XXYLT1: variants seen among roughly 807,000 people sequenced by gnomAD.
XXYLT1 encodes the protein xyloside xylosyltransferase 1, also known as UDP-xylose:alpha-xyloside alpha-1,3-xylosyltransferase.
In XXYLT1, 20 loss-of-function variants were observed where a neutral mutation model predicts 28.9. The observed-to-expected ratio is 0.69, with a 90% confidence interval of 0.49 to 1.00. XXYLT1 has a LOEUF of 1.00. Among genes scored for constraint, XXYLT1 ranks in the 50% least tolerant of loss-of-function variants. XXYLT1 has a pLI of 0.00. For synonymous variants in XXYLT1, 257 were observed against 253.8 expected (o/e 1.01, Z -0.12); for missense variants, 542 against 560.1 (o/e 0.97, Z 0.33).
Position 195,129,497 on chromosome 3 carries a change from G to C in XXYLT1, c.785+26952C>G, listed in dbSNP as rs1035521696. 6.6e-6 allele frequency among the ~76,000 whole-genome samples: 1 copy of C among 152,178 alleles called. No homozygotes were observed. The highest frequency in any genetic ancestry group is 2.4e-5 in the African/African-American group (1 of 41,434). ...ATGGACGCATATAGTGCGGTCTTCTGTGACGGGCTTCTTTCACTCGTCTTA... is the reference window on the plus strand; with the variant it reads ...ATGGACGCATATAGTGCGGTCTTCTCTGACGGGCTTCTTTCACTCGTCTTA... On this transcript the variant is annotated intron_variant, in intron 3 of 3. Transcript: ENST00000310380. This position sits in a 1 kb window ranked among gnomAD's most constrained non-coding sequence, Gnocchi z 4.4.
intron 3 of XXYLT1, among the ~76,000 whole-genome samples, chr3:195,136,247 A>C (rs1719191631): frequency 6.6e-6 from 1 of 152,210 alleles, no homozygotes; most frequent in South Asian, 2.1e-4. Context: ...CTCAAACGCC[A>C]ACGTAGGACC....
At chr3:195,103,529 T>C (rs993177051) in intron 3 of XXYLT1, among the ~76,000 whole-genome samples, 1 of 152,200 alleles carries the variant, frequency 6.6e-6, no homozygotes, top group African/African-American at 2.4e-5. Context: ...AAAGAATCAG[T>C]GTAGGTAAAA....
In XXYLT1 at chr3:195,124,088, A is replaced by C. The variant is rs76731802; in HGVS notation, c.785+32361T>G. 6.7e-3 allele frequency among the ~76,000 whole-genome samples: 1,024 copies of C among 152,328 alleles called. 12 individuals carry two copies. Among genetic ancestry groups the C allele is most frequent in the African/African-American group, 0.023 (949 of 41,572 alleles). ...GGGAATAAAATGTACGTATTTCTCA[A>C]ACTTACTTGATCATTACACCCTTTT... is the stretch of plus-strand genomic sequence containing the variant. On this transcript the variant is annotated intron_variant, in intron 3 of 3. Transcript: ENST00000310380. This position sits in a 1 kb window ranked among gnomAD's most constrained non-coding sequence, Gnocchi z 4.1.
intron 2 of XXYLT1, among the ~76,000 whole-genome samples, chr3:195,166,707 G>C (rs1721140228): frequency 1.3e-5 from 2 of 151,994 alleles, no homozygotes; most frequent in Non-Finnish European, 2.9e-5. Flanking sequence ...TTTTGAGATG[G>C]AGTCTCACTC....
intron 3 of XXYLT1, among the ~76,000 whole-genome samples, chr3:195,116,045 A>G (rs142997113): frequency 2.5e-4 from 38 of 152,284 alleles, no homozygotes; most frequent in Non-Finnish European, 5.0e-4. Flanking sequence ...TGATGGGCCT[A>G]TAAGACTCAG....
intron 3 of XXYLT1, among the ~76,000 whole-genome samples, chr3:195,144,333 T>G (rs1051359715): frequency 6.6e-6 from 1 of 152,034 alleles, no homozygotes; most frequent in Non-Finnish European, 1.5e-5. Flanking sequence ...GGTTTTTTCA[T>G]CCACAAATCT....
rs1717988003 is a variant in XXYLT1 at position 195,115,335 on chromosome 3, A to G, written c.785+41114T>C. Among the ~76,000 whole-genome samples, 1 of 152,154 alleles carries G rather than the reference A, an allele frequency of 6.6e-6. No homozygotes were observed. Among genetic ancestry groups the G allele is most frequent in the African/African-American group, 2.4e-5 (1 of 41,426 alleles). On this transcript the variant is annotated intron_variant, in intron 3 of 3. Transcript: ENST00000310380. The surrounding 1 kb of genome is among the most constrained non-coding windows in gnomAD (Gnocchi z 4.2). ...CAAACTCCATAATCCTCAGACCTCA[A>G]CTTAGACTGTTCATCCTTCAGCCTC...
At chr3:195,172,341 C>T (rs887816012) in intron 2 of XXYLT1, among the ~76,000 whole-genome samples, 4 of 152,122 alleles carry the variant, frequency 2.6e-5, no homozygotes, top group African/African-American at 9.7e-5. Context: ...AAACACTGCC[C>T]CAAGAAGTTA....
intron 3 of XXYLT1, among the ~76,000 whole-genome samples, chr3:195,137,691 G>C (rs1719271822): frequency 6.6e-6 from 1 of 152,230 alleles, no homozygotes; most frequent in Non-Finnish European, 1.5e-5. Flanking sequence ...ACCAAGGAAA[G>C]TTATGGCTTG....
chr3:195,264,680 G>A (rs1267039575), intron 1 of XXYLT1, among the ~76,000 whole-genome samples: 2 of 152,164 alleles, frequency 1.3e-5, no homozygotes, highest in African/African-American at 4.8e-5. Context: ...GTTCCCTGCT[G>A]TTCACAAGTA....
In XXYLT1 at chr3:195,195,749, C is replaced by A. The variant is rs538481055; in HGVS notation, c.652+30960G>T. Among the ~76,000 whole-genome samples the A allele has an allele frequency of 6.6e-6, 1 of 152,324 alleles. No homozygotes were observed. The highest frequency in any genetic ancestry group is 2.1e-4 in the South Asian group (1 of 4,826). On this transcript the variant is annotated intron_variant, in intron 2 of 3. Transcript: ENST00000310380. The surrounding 1 kb of genome is among the most constrained non-coding windows in gnomAD (Gnocchi z 4.4). ...TGCCGTGCTGGGAATGCTCTTCCTG[C>A]ACCCCAGCTGGAGCCCCTTCCAGCA...
chr3:195,088,228 G>C (rs1005102210), intron 3 of XXYLT1, among the ~76,000 whole-genome samples: 21 of 151,546 alleles, frequency 1.4e-4, no homozygotes, highest in African/African-American at 5.1e-4. Flanking sequence ...CACCTCTGGG[G>C]GCAGGGCACA....
rs1167348783 is a variant in XXYLT1 at position 195,271,137 on chromosome 3, C to A, written c.-79G>T. ...TACCCGGACGCCGGCGGCCACTTAG[C>A]CCCGGCGCCAGGCGGCGGCCATGAA... On this transcript the variant is annotated 5_prime_UTR_variant, in exon 1 of 4. Coordinates refer to ENST00000310380, the MANE Select transcript of XXYLT1 (RefSeq NM_152531.5). 2.4e-6 allele frequency: 3 copies of A among 1,261,110 alleles called. No homozygotes were observed. The highest frequency in any genetic ancestry group is 2.0e-6 in the Non-Finnish European group (2 of 1,005,444). 78.1% of individuals were successfully genotyped at this position (1,261,110 alleles called of 1,614,324 possible).
At chr3:195,121,016 T>C (rs1241648565) in intron 3 of XXYLT1, among the ~76,000 whole-genome samples, 1 of 152,104 alleles carries the variant, frequency 6.6e-6, no homozygotes, top group Non-Finnish European at 1.5e-5. Context: ...GGAGCTAAGA[T>C]TATATAGCTG....
In XXYLT1 at chr3:195,068,646, T is replaced by G. The variant is rs1714634463; in HGVS notation, c.*1069A>C. On this transcript the variant is annotated 3_prime_UTR_variant, in exon 4 of 4. Coordinates refer to ENST00000310380, the MANE Select transcript of XXYLT1 (RefSeq NM_152531.5). The stretch of plus-strand genomic sequence containing the variant: ...TCGTCCAGGCTGGAGTGCAGTGGTG[T>G]GATCACAGCTCAGTGCAGTGAACTC... 1.3e-5 allele frequency: 2 copies of G among 151,098 alleles called. No homozygotes were observed. Among genetic ancestry groups the G allele is most frequent in the Admixed American group, 6.6e-5 (1 of 15,114 alleles). The allele number at this position is 151,098 out of a possible 1,614,324, so 9.4% of individuals were successfully genotyped here. A position where few individuals can be genotyped will look rare whatever the true frequency, so the allele number is the denominator to read the frequency against.
rs1250839357 is a variant in XXYLT1, at chr3:195,069,757, C to A, written c.1140G>T (p.Lys380Asn). The A allele has an allele frequency of 3.7e-6, 6 of 1,613,868 alleles. No homozygotes were observed. Among genetic ancestry groups the A allele is most frequent in the Non-Finnish European group, 4.2e-6 (5 of 1,180,020 alleles). ...EAYFRCEGHV[K>N]IYHGNCNTPI... ...GAGTGTTGCAGTTCCCGTGGTAGAT[C>A]TTGACGTGGCCCTCACACCTGAAAT... The change falls in exon 4 of 4, where the codon AAG (lysine) becomes AAT (asparagine). Residue 380 changes from lysine to asparagine, a missense_variant. Lys to Asn is a moderately conservative substitution (Grantham distance 94). Coordinates refer to ENST00000310380, the MANE Select transcript of XXYLT1 (RefSeq NM_152531.5).
chr3:195,169,852 C>CAT lies in XXYLT1; in HGVS notation c.653-13273_653-13272dup, dbSNP rs1219186667. The stretch of plus-strand genomic sequence containing the variant: ...ATGTATATTAATGTGTGTGTGTGTA[C>CAT]ATATATATATATATATATTTTTTTT... On this transcript the variant is annotated intron_variant, in intron 2 of 3. Coordinates refer to ENST00000310380, the MANE Select transcript of XXYLT1 (RefSeq NM_152531.5). 9.1e-3 allele frequency among the ~76,000 whole-genome samples: 1,315 copies of CAT among 145,296 alleles called. 13 individuals carry two copies. Among genetic ancestry groups the CAT allele is most frequent in the Non-Finnish European group, 0.014 (947 of 66,644 alleles).
At chr3:195,125,059 G>A (rs934341725) in intron 3 of XXYLT1, among the ~76,000 whole-genome samples, 1 of 152,150 alleles carries the variant, frequency 6.6e-6, no homozygotes, top group Admixed American at 6.6e-5. Context: ...AAAATGAAAG[G>A]CTTGATCCCC....
At chr3:195,213,676 C>T (rs1056960243) in intron 2 of XXYLT1, among the ~76,000 whole-genome samples, 1 of 152,208 alleles carries the variant, frequency 6.6e-6, no homozygotes, top group African/African-American at 2.4e-5. Flanking sequence ...GTTGGTTACA[C>T]AAAGCTAAAT....
Sources: allele counts gnomAD v4.1 joint callset (sites outside exome capture counted in the v4.1 genomes callset), GRCh38; gene constraint gnomAD v4.1.1; non-coding constraint Gnocchi (gnomAD v3.1); transcripts MANE v1.5; gene names NCBI Gene and HGNC (gene_info 2026-07-23, HGNC 2026-07-21).